LSAMP: variants seen among roughly 807,000 people sequenced by gnomAD.
LSAMP encodes limbic system-associated membrane protein.
Under a neutral mutation model 38.6 loss-of-function variants are expected in LSAMP, and 7 were observed. The observed-to-expected ratio is 0.18, with a 90% CI of 0.10 to 0.34. The LOEUF is 0.34. LSAMP is among the 10% of genes least tolerant of loss of function. LSAMP has a pLI of 1.00. For missense variants in LSAMP, 313 were observed against 420.0 expected (o/e 0.75, Z 2.23); for synonymous variants, 154 against 166.8 (o/e 0.92, Z 0.59).
At chr3:116,280,795 C>T (rs1006185701) in intron 1 of LSAMP, among the ~76,000 whole-genome samples, 6 of 152,126 alleles carry the variant, frequency 3.9e-5, no homozygotes, top group Admixed American at 1.3e-4. Flanking sequence ...GTGAAAGTGG[C>T]CATTCGGCAC....
chr3:115,865,996 C>T (rs985404441), intron 3 of LSAMP, among the ~76,000 whole-genome samples: 2 of 152,126 alleles, frequency 1.3e-5, no homozygotes, highest in African/African-American at 2.4e-5. Context: ...GGTAGCACTT[C>T]GTGTCACATG....
At chr3:116,204,056 C>G (rs12495058) in intron 1 of LSAMP, among the ~76,000 whole-genome samples, 122,344 of 150,748 alleles carry the variant, frequency 0.81, 50,278 homozygotes, top group East Asian at 0.91. Context: ...ATCCTCTCCA[C>G]CACCTGTTGT....
At chr3:115,939,003 T>G (rs1353391178) in intron 3 of LSAMP, among the ~76,000 whole-genome samples, 1 of 152,154 alleles carries the variant, frequency 6.6e-6, no homozygotes, top group Admixed American at 6.5e-5. Flanking sequence ...TTCATTGGCT[T>G]TCAGATATTG....
chr3:115,905,870 G>A (rs1936996609), intron 3 of LSAMP, among the ~76,000 whole-genome samples: 1 of 152,120 alleles, frequency 6.6e-6, no homozygotes, highest in African/African-American at 2.4e-5. Context: ...ATATTTTTGT[G>A]AGGGGTCTTG....
At chr3:116,079,845 A>G (rs1314076398) in intron 2 of LSAMP, among the ~76,000 whole-genome samples, 31 of 152,032 alleles carry the variant, frequency 2.0e-4, no homozygotes, top group Admixed American at 2.0e-3. Context: ...ATCTTTCTTG[A>G]CTTTTTAAAT....
chr3:115,926,631 G>A (rs1335174458), intron 3 of LSAMP, among the ~76,000 whole-genome samples: 3 of 152,168 alleles, frequency 2.0e-5, no homozygotes, highest in African/African-American at 7.2e-5. Flanking sequence ...CTGGAGTCCT[G>A]AAATGCTCCA....
At chr3:116,070,659 C>G (rs1398832273) in intron 2 of LSAMP, among the ~76,000 whole-genome samples, 1 of 152,168 alleles carries the variant, frequency 6.6e-6, no homozygotes, top group Non-Finnish European at 1.5e-5. Flanking sequence ...CAAGGTCCTA[C>G]CCACACAAAA....
At chr3:115,904,971 T>C (rs1408682296) in intron 3 of LSAMP, among the ~76,000 whole-genome samples, 4 of 152,148 alleles carry the variant, frequency 2.6e-5, no homozygotes, top group Non-Finnish European at 4.4e-5. Context: ...CTGCTTATTA[T>C]AACAGTTTGT....
intron 3 of LSAMP, among the ~76,000 whole-genome samples, chr3:116,010,086 T>A (rs1022226596): frequency 7.9e-5 from 12 of 152,172 alleles, no homozygotes; most frequent in Admixed American, 7.2e-4. Context: ...CGAGCTAATT[T>A]TTGTACTTTT....
At chr3:116,313,272 T>C (rs139208722) in intron 1 of LSAMP, among the ~76,000 whole-genome samples, 47 of 152,304 alleles carry the variant, frequency 3.1e-4, no homozygotes, top group Non-Finnish European at 4.9e-4. Context: ...AATGTGCCCT[T>C]CTGCTGATGA....
At chr3:115,982,165 C>G (rs1454276530) in intron 3 of LSAMP, among the ~76,000 whole-genome samples, 1 of 152,134 alleles carries the variant, frequency 6.6e-6, no homozygotes, top group Non-Finnish European at 1.5e-5. Flanking sequence ...GTTGAGACAG[C>G]CTAAGGCTTT....
chr3:116,171,109 G>C (rs1710187216), intron 1 of LSAMP, among the ~76,000 whole-genome samples: 1 of 152,064 alleles, frequency 6.6e-6, no homozygotes, highest in Non-Finnish European at 1.5e-5. Context: ...ATTTCTCTGT[G>C]CTTCAAATTC....
intron 1 of LSAMP, among the ~76,000 whole-genome samples, chr3:116,305,824 T>A (rs2047476713): frequency 6.6e-6 from 1 of 151,896 alleles, no homozygotes; most frequent in Non-Finnish European, 1.5e-5. Context: ...TACAATAGAT[T>A]GAAGTGTGAC....
chr3:116,019,014 A>G (rs879670512), intron 3 of LSAMP, among the ~76,000 whole-genome samples: 1 of 152,168 alleles, frequency 6.6e-6, no homozygotes, highest in Non-Finnish European at 1.5e-5. Context: ...CTGTAGTTAA[A>G]AGCCAAGCAA....
intron 1 of LSAMP, among the ~76,000 whole-genome samples, chr3:116,139,985 C>A (rs949278410): frequency 2.4e-4 from 36 of 151,932 alleles, no homozygotes; most frequent in Non-Finnish European, 2.9e-5. Flanking sequence ...CAAAATGTTA[C>A]CAAGATCCCT....
intron 1 of LSAMP, among the ~76,000 whole-genome samples, chr3:116,304,447 A>G (rs957596674): frequency 2.6e-5 from 4 of 152,146 alleles, no homozygotes; most frequent in African/African-American, 9.7e-5. Flanking sequence ...TTGAAACAAC[A>G]TGGTGGCTAC....
chr3:115,889,791 T>C (rs2107455127), intron 3 of LSAMP, among the ~76,000 whole-genome samples: 1 of 152,102 alleles, frequency 6.6e-6, no homozygotes, highest in Admixed American at 6.6e-5. Context: ...GGCTAGGACA[T>C]AGTCCTAAAA....
intron 1 of LSAMP, among the ~76,000 whole-genome samples, chr3:116,248,058 G>T (rs2046626151): frequency 6.6e-6 from 1 of 152,128 alleles, no homozygotes; most frequent in Non-Finnish European, 1.5e-5. Context: ...AATCATCTGG[G>T]TGTTAGCAGT....
At chr3:116,263,537 CAAAA>C (rs201229887) in intron 1 of LSAMP, among the ~76,000 whole-genome samples, 5 of 111,970 alleles carry the variant, frequency 4.5e-5, no homozygotes, top group Non-Finnish European at 7.8e-5. Flanking sequence ...GACTTTGTCT[CAAAA>C]AAAAAAAAAA....
Sources: allele counts gnomAD v4.1 joint callset (sites outside exome capture counted in the v4.1 genomes callset), GRCh38; gene constraint gnomAD v4.1.1; transcripts MANE v1.5; gene names NCBI Gene and HGNC (gene_info 2026-07-23, HGNC 2026-07-21).